Variants in DNAH1 observed in about 807,000 individuals in gnomAD.
DNAH1 encodes axonemal beta dynein heavy chain 1.
DNAH1 carries 327 observed loss-of-function variants against 484.3 expected under a neutral mutation model. The ratio of observed to expected loss-of-function variants is 0.68; its 90% CI spans 0.62 to 0.74. The LOEUF (loss-of-function observed/expected upper bound fraction) is 0.74, where lower values mean the gene tolerates loss of function less well. Ranked by LOEUF, DNAH1 falls within the 30% of genes least tolerant of loss-of-function variation. The probability of loss-of-function intolerance (pLI) is 0.00; values close to 1 mark genes in which losing one functional copy is unlikely to be tolerated. For missense variants in DNAH1, 5,052 were observed against 5,546.8 expected, an observed-to-expected ratio of 0.91 and a Z score of 2.83; for synonymous variants, 2,192 against 2,191.9, an observed-to-expected ratio of 1.00 and a Z score of 0.00.
chr3:52,356,143 T>C (rs563660679), intron 21 of DNAH1, among the ~76,000 whole-genome samples: 2 of 152,344 alleles, frequency 1.3e-5, no homozygotes, highest in East Asian at 3.9e-4. Flanking sequence ...GGGAAATGGC[T>C]CATTTTGAAG....
rs202242644 is a variant in DNAH1 at position 52,353,456 on chromosome 3, G to T, written c.3303G>T (p.Leu1101=). 6.2e-7 allele frequency: 1 copy of T among 1,613,944 alleles called. No individual in the cohort carries two copies. Among genetic ancestry groups the T allele is most frequent in the African/African-American group, 1.3e-5 (1 of 75,064 alleles). The part of the protein sequence containing the change: ...FKPYIPLIQG[L]RNPGMRIRHW... ...CATACATCCCACTGATCCAGGGGCTGCGCAACCCTGGCATGCGGATCCGGC... is the reference window on the plus strand; with the variant it reads ...CATACATCCCACTGATCCAGGGGCTTCGCAACCCTGGCATGCGGATCCGGC... Residue 1101 remains leucine, a synonymous_variant, in exon 20 of 78, where the codon CTG becomes CTT. Transcript: ENST00000420323. This position sits in a 1 kb window ranked among gnomAD's most constrained non-coding sequence, Gnocchi z 5.0.
At position 52,349,298 on chromosome 3, in the gene DNAH1, A is replaced by G; in HGVS notation, c.2404A>G (p.Ile802Val). Residue 802 changes from isoleucine (I) to valine (V), a missense_variant, in exon 14 of 78, where the codon ATC becomes GTC. By Grantham distance (29) the Ile-to-Val change is conservative. Around this residue, in one of 4 missense-constraint regions of DNAH1, gnomAD observed 1,263 missense variants for 1,218.8 expected, o/e 1.04. Coordinates refer to ENST00000420323, the MANE Select transcript of DNAH1 (RefSeq NM_015512.5). ...ILDSSLPSSIIIGPFYINTDN... is the reference protein window; with the variant it reads ...ILDSSLPSSIVIGPFYINTDN... ...GGACAGCTCGCTGCCCAGCAGCATC[A>G]TCATTGGGCCTTTCTACATCAACAC... is the stretch of plus-strand genomic sequence containing the variant. 6.2e-7 allele frequency: 1 copy of G among 1,614,020 alleles called. No homozygotes were observed. The highest frequency in any genetic ancestry group is 8.5e-7 in the Non-Finnish European group (1 of 1,179,888).
intron 58 of DNAH1, 38 bp downstream of exon 58, chr3:52,388,647 C>A: frequency 1.9e-6 from 3 of 1,611,322 alleles, no homozygotes; most frequent in Non-Finnish European, 2.5e-6. Context: ...CAAGCGGGCC[C>A]GGCCCAGACA....
At chr3:52,388,757 G>C (rs369193958) in intron 58 of DNAH1, 49 bp from the exon 59 acceptor site, 1 of 1,608,852 alleles carries the variant, frequency 6.2e-7, no homozygotes, top group Non-Finnish European at 8.5e-7. Flanking sequence ...CCAGCCCCAG[G>C]CCCCTAGCCC....
intron 60 of DNAH1, among the ~76,000 whole-genome samples, chr3:52,390,710 C>T (rs1177254883): frequency 6.6e-6 from 1 of 152,210 alleles, no homozygotes. Context: ...CCTGTGCTCT[C>T]TCAGGGGCTG....
chr3:52,380,161 C>T (rs1413016198), intron 48 of DNAH1, 26 bp downstream of exon 48: 5 of 1,554,332 alleles, frequency 3.2e-6, no homozygotes, highest in African/African-American at 1.4e-5. Flanking sequence ...AGGCGCCCTG[C>T]CCCTGGTGGG....
intron 7 of DNAH1, among the ~76,000 whole-genome samples, chr3:52,331,868 T>C (rs1701567841): frequency 6.6e-6 from 1 of 151,996 alleles, no homozygotes; most frequent in African/African-American, 2.4e-5. Flanking sequence ...TCAAGCATCC[T>C]CCCTCCTTGG....
intron 44 of DNAH1, chr3:52,373,868 G>A: frequency 5.0e-6 from 7 of 1,404,618 alleles, no homozygotes; most frequent in Non-Finnish European, 4.0e-6. Flanking sequence ...CAGTTAACAT[G>A]TTTCGAATAT....
rs1170615127 is a variant in DNAH1, at chr3:52,388,340, G to A, written c.9171+6G>A. 1.2e-6 allele frequency: 2 copies of A among 1,602,146 alleles called. No homozygotes were observed. Among genetic ancestry groups the A allele is most frequent in the Non-Finnish European group, 8.5e-7 (1 of 1,174,342 alleles). Reference sequence around the variant, plus strand: ...AGGCCGTGGAGCCCAAGCGGGTGAGGGCTGAGTGGAGCTGGTGGGGGAGGG... The same window carrying A: ...AGGCCGTGGAGCCCAAGCGGGTGAGAGCTGAGTGGAGCTGGTGGGGGAGGG... On this transcript the variant is annotated splice_donor_region_variant and intron_variant, in intron 57 of 77. Transcript: ENST00000420323.
chr3:52,364,793 T>C lies in DNAH1; in HGVS notation c.5332-40T>C, dbSNP rs1323116369. ...GGCTCCTGGGCAGCTGGAGGGCAGC[T>C]GGCCCACTGCCCTGAAGGCTCAGCC... On this transcript the variant is annotated intron_variant, in intron 33 of 77. Transcript: ENST00000420323. The surrounding 1 kb of genome is among the most constrained non-coding windows in gnomAD (Gnocchi z 4.2). 1.2e-6 allele frequency: 2 copies of C among 1,607,656 alleles called. No individual in the cohort carries two copies. Among genetic ancestry groups the C allele is most frequent in the Non-Finnish European group, 1.7e-6 (2 of 1,175,610 alleles).
Position 52,380,056 on chromosome 3 carries a change from T to C in DNAH1, c.7529T>C (p.Phe2510Ser). The stretch of plus-strand genomic sequence containing the variant: ...GTGACCTTCAACAAGGTCTGCCCCT[T>C]CCAGCCCATTCTTTACGGGGACTTC... ...WEVTFNKVCP[F>S]QPILYGDFMS... The change falls in exon 48 of 78, where the codon TTC (phenylalanine) becomes TCC (serine). Residue 2510 changes from phenylalanine to serine, a missense_variant. Transcript: ENST00000420323. 6.2e-7 allele frequency: 1 copy of C among 1,604,368 alleles called. No individual in the cohort carries two copies. Among genetic ancestry groups the C allele is most frequent in the South Asian group, 1.1e-5 (1 of 88,900 alleles).
intron 50 of DNAH1, among the ~76,000 whole-genome samples, chr3:52,382,771 C>T (rs1050753504): frequency 6.6e-6 from 1 of 152,266 alleles, no homozygotes; most frequent in Non-Finnish European, 1.5e-5. Context: ...CCCCAAAGTG[C>T]TAGGGACCCA....
At chr3:52,357,572 C>T (rs1702664538) in intron 22 of DNAH1, 42 bp from the exon 23 acceptor site, 1 of 1,583,106 alleles carries the variant, frequency 6.3e-7, no homozygotes, top group Non-Finnish European at 8.6e-7. Context: ...CTACCTGGAC[C>T]ATGCTCACTG....
chr3:52,313,183 G>A (rs957490294), upstream of DNAH1, among the ~76,000 whole-genome samples: 10 of 152,238 alleles, frequency 6.6e-5, no homozygotes, highest in African/African-American at 2.4e-4. Flanking sequence ...ACAGGGGGCA[G>A]CTGGAGGATG....
intron 1 of DNAH1, chr3:52,321,636 C>G (rs1041197203): frequency 1.3e-5 from 2 of 152,240 alleles, no homozygotes; most frequent in Non-Finnish European, 2.9e-5. Context: ...TCTATAAACC[C>G]TTGTCCTCCA....
chr3:52,348,882 C>G lies in DNAH1; in HGVS notation c.2107-6C>G. The G allele has an allele frequency of 6.2e-7, 1 of 1,611,768 alleles. No homozygotes were observed. The highest frequency in any genetic ancestry group is 8.5e-7 in the Non-Finnish European group (1 of 1,179,378). On this transcript the variant is annotated splice_polypyrimidine_tract_variant and splice_region_variant and intron_variant, in intron 12 of 77. Transcript: ENST00000420323. ...GTCTGCCCTGCCACATGCCTTCCCT[C>G]TGCAGCTGGTGATGGAGGACATCTT...
At chr3:52,372,461 C>T (rs1167688000) in intron 43 of DNAH1, 74 bp downstream of exon 43, 1 of 1,575,490 alleles carries the variant, frequency 6.3e-7, no homozygotes, top group East Asian at 2.3e-5. Context: ...TCCCACCTCT[C>T]CACCAAATTA....
In DNAH1 at chr3:52,368,744, A is replaced by T; in HGVS notation, c.5769A>T (p.Thr1923=). The change falls in exon 37 of 78, where the codon ACA becomes ACT. Residue 1923 remains threonine (T), a synonymous_variant. Transcript: ENST00000420323. The surrounding 1 kb of genome is among the most constrained non-coding windows in gnomAD (Gnocchi z 4.4). ...CCTCTCCTCCCTGGCGCTGCAGGAC[A>T]GACGGGATATTCTCCTCGTTCATCC... ...GEFDLLTHEW[T]DGIFSSFIRA... 1 of 1,613,254 alleles carries T rather than the reference A, an allele frequency of 6.2e-7. No individual in the cohort carries two copies. The highest frequency in any genetic ancestry group is 2.2e-5 in the East Asian group (1 of 44,886).
Position 52,385,332 on chromosome 3 carries a change from C to T in DNAH1, c.8515-5C>T, listed in dbSNP as rs751315505. On this transcript the variant is annotated splice_region_variant and splice_polypyrimidine_tract_variant and intron_variant, in intron 53 of 77. Coordinates refer to ENST00000420323, the MANE Select transcript of DNAH1 (RefSeq NM_015512.5). ...CTGTTTTCCTGTCTCTGCCCTGACCCCTAGCTGCTGCGCACTTCTGAGGAT... is the reference window on the plus strand; with the variant it reads ...CTGTTTTCCTGTCTCTGCCCTGACCTCTAGCTGCTGCGCACTTCTGAGGAT... 1 of 1,551,926 alleles carries T rather than the reference C, an allele frequency of 6.4e-7. No individual in the cohort carries two copies. Among genetic ancestry groups the T allele is most frequent in the Non-Finnish European group, 8.7e-7 (1 of 1,147,052 alleles).
Sources: allele counts gnomAD v4.1 joint callset (sites outside exome capture counted in the v4.1 genomes callset), GRCh38; gene constraint gnomAD v4.1.1; regional missense constraint gnomAD v4.1.1; non-coding constraint Gnocchi (gnomAD v3.1); transcripts MANE v1.5; gene names NCBI Gene and HGNC (gene_info 2026-07-23, HGNC 2026-07-21).